Variants in PIGZ observed in about 807,000 individuals in gnomAD.
PIGZ encodes GPI alpha-1,2-mannosyltransferase 4.
A neutral mutation model predicts 16.4 loss-of-function variants in PIGZ; 16 were observed. The ratio of observed to expected loss-of-function variants is 0.97; its 90% CI spans 0.66 to 1.48. The LOEUF (loss-of-function observed/expected upper bound fraction) is 1.48. PIGZ is among the 40% of genes most tolerant of loss of function. The probability of loss-of-function intolerance (pLI) is 0.00; values close to 1 mark genes in which losing one functional copy is unlikely to be tolerated. For synonymous variants in PIGZ, 409 were observed against 338.4 expected (o/e 1.21, Z -2.29); for missense variants, 770 against 739.2 (o/e 1.04, Z -0.48).
At chr3:196,952,461 G>A (rs770399753) in intron 1 of PIGZ, among the ~76,000 whole-genome samples, 2 of 152,142 alleles carry the variant, frequency 1.3e-5, no homozygotes, top group East Asian at 1.9e-4. Flanking sequence ...TTTTTGAGAC[G>A]AAGTCTTGCT....
chr3:196,961,956 C>A (rs1717738387), intron 1 of PIGZ, among the ~76,000 whole-genome samples: 1 of 152,210 alleles, frequency 6.6e-6, no homozygotes, highest in Non-Finnish European at 1.5e-5. Context: ...TCCACCACCC[C>A]AGACTCTGGA....
chr3:196,951,883 A>G lies in PIGZ; in HGVS notation c.149T>C (p.Leu50Pro). The G allele has an allele frequency of 6.2e-7, 1 of 1,614,148 alleles. No individual in the cohort carries two copies. Among genetic ancestry groups the G allele is most frequent in the Non-Finnish European group, 8.5e-7 (1 of 1,180,022 alleles). ...GTGCACATAGCCCGTCTGCGGAAGG[A>G]GACACCACAGCACTCGGAGCAGGCT... ...GLSLLRVLWC[L>P]LPQTGYVHPD... is the part of the protein sequence containing the mutation. Residue 50 changes from leucine (L) to proline (P), a missense_variant, in exon 2 of 3, where the codon CTC (leucine) becomes CCC (proline). Coordinates refer to ENST00000412723, the MANE Select transcript of PIGZ (RefSeq NM_025163.4).
intron 1 of PIGZ, among the ~76,000 whole-genome samples, chr3:196,955,437 T>C (rs1296056060): frequency 1.3e-5 from 2 of 152,154 alleles, no homozygotes; most frequent in Non-Finnish European, 2.9e-5. Context: ...TATCATTATA[T>C]AGTAATCTTT....
rs760035835 is a variant in PIGZ at position 196,947,709 on chromosome 3, C to G, written c.1188G>C (p.Leu396=). Residue 396 remains leucine (L), a synonymous_variant, in exon 3 of 3, where the codon CTG becomes CTC. Transcript: ENST00000412723. ...HQEARFLIPL[L]VPLVLLCSPQ... ...GACTACAAAGCAGGACCAGGGGGACCAGGAGGGGAATCAGGAACCGAGCCT... is the reference window on the plus strand; with the variant it reads ...GACTACAAAGCAGGACCAGGGGGACGAGGAGGGGAATCAGGAACCGAGCCT... 20 of 1,613,052 alleles carry G rather than the reference C, an allele frequency of 1.2e-5. No individual in the cohort carries two copies. Among genetic ancestry groups the G allele is most frequent in the African/African-American group, 4.0e-5 (3 of 74,898 alleles).
At chr3:196,958,230 T>C (rs983771576) in intron 1 of PIGZ, among the ~76,000 whole-genome samples, 10 of 152,154 alleles carry the variant, frequency 6.6e-5, no homozygotes, top group Non-Finnish European at 5.9e-5. Context: ...AACCTTTATT[T>C]TTTTTTTCTA....
At position 196,964,398 on chromosome 3, in the gene PIGZ, G is replaced by A. The variant is rs374431833; in HGVS notation, c.-1+4289C>T. Among the ~76,000 whole-genome samples, 23 of 148,990 alleles carry A rather than the reference G, an allele frequency of 1.5e-4. No homozygotes were observed. The East Asian group carries it at 3.0e-3, about 19-fold the overall frequency. On this transcript the variant is annotated intron_variant, in intron 1 of 2. Coordinates refer to ENST00000412723, the MANE Select transcript of PIGZ (RefSeq NM_025163.4). ...TTTTTGAGATGGAGTCTTGCTTGTC[G>A]CCTAGGCTAGGTGCAGTGGCACGAT...
At chr3:196,954,765 A>G (rs1424894611) in intron 1 of PIGZ, among the ~76,000 whole-genome samples, 1 of 152,234 alleles carries the variant, frequency 6.6e-6, no homozygotes, top group African/African-American at 2.4e-5. Flanking sequence ...TTGCCATTGT[A>G]ATTTCTTCCT....
intron 1 of PIGZ, among the ~76,000 whole-genome samples, chr3:196,958,787 C>T (rs577852375): frequency 6.6e-6 from 1 of 152,170 alleles, no homozygotes; most frequent in East Asian, 1.9e-4. Context: ...AGAGTTAAGA[C>T]AGGGATTGAG....
At chr3:196,955,572 C>CT (rs1717448927) in intron 1 of PIGZ, among the ~76,000 whole-genome samples, 5 of 43,592 alleles carry the variant, frequency 1.1e-4, no homozygotes, top group African/African-American at 3.5e-4. Flanking sequence ...TCTTTTCTTT[C>CT]TTTCTTTTTT....
intron 1 of PIGZ, among the ~76,000 whole-genome samples, chr3:196,955,100 A>AT (rs1307665501): frequency 6.6e-6 from 1 of 152,008 alleles, no homozygotes; most frequent in African/African-American, 2.4e-5. Context: ...TAATTTTTAA[A>AT]TTTTTTGTAG....
chr3:196,960,258 A>G (rs1717655861), intron 1 of PIGZ, among the ~76,000 whole-genome samples: 1 of 152,088 alleles, frequency 6.6e-6, no homozygotes, highest in Admixed American at 6.5e-5. Context: ...TTTACTACCT[A>G]TTTGCCTGTA....
chr3:196,947,887 G>A lies in PIGZ; in HGVS notation c.1010C>T (p.Ala337Val), dbSNP rs149631795. ...GVLHAQALQA[A>V]WQRLQVGLQA... The stretch of plus-strand genomic sequence containing the variant: ...GAGGCCGACTTGCAGCCGTTGCCAC[G>A]CAGCCTGCAGGGCCTGGGCATGCAG... Residue 337 changes from alanine to valine, a missense_variant, in exon 3 of 3, where the codon GCG becomes GTG. Physicochemically the swap from Ala to Val is moderately conservative, Grantham distance 64. Transcript: ENST00000412723. 421 of 1,613,918 alleles carry A rather than the reference G, an allele frequency of 2.6e-4. No homozygotes were observed. Among genetic ancestry groups the A allele is most frequent in the South Asian group, 4.3e-4 (39 of 91,078 alleles).
chr3:196,964,019 T>G (rs1402591970), intron 1 of PIGZ, among the ~76,000 whole-genome samples: 1 of 151,142 alleles, frequency 6.6e-6, no homozygotes, highest in Non-Finnish European at 1.5e-5. Flanking sequence ...ACTACCTTTT[T>G]TTATTTGTTT....
intron 1 of PIGZ, among the ~76,000 whole-genome samples, chr3:196,953,910 T>G (rs776450787): frequency 6.6e-6 from 1 of 151,950 alleles, no homozygotes; most frequent in Non-Finnish European, 1.5e-5. Context: ...AGAGGATCAC[T>G]TGAACCCAGG....
At chr3:196,950,982 G>C (rs541615100) in intron 2 of PIGZ, among the ~76,000 whole-genome samples, 4 of 152,260 alleles carry the variant, frequency 2.6e-5, no homozygotes, top group Non-Finnish European at 5.9e-5. Flanking sequence ...CTGACCTCAG[G>C]TGATCCACCT....
At chr3:196,967,997 G>T (rs1717999963) in intron 1 of PIGZ, among the ~76,000 whole-genome samples, 1 of 152,208 alleles carries the variant, frequency 6.6e-6, no homozygotes, top group African/African-American at 2.4e-5. Flanking sequence ...AATGACTTTT[G>T]AGAAGAAGGA....
At chr3:196,967,271 C>A (rs960266172) in intron 1 of PIGZ, among the ~76,000 whole-genome samples, 8 of 152,130 alleles carry the variant, frequency 5.3e-5, no homozygotes, top group Admixed American at 3.3e-4. Context: ...TCTCCGGCGC[C>A]CAGGTGTGTG....
chr3:196,950,799 C>T (rs1309376605), intron 2 of PIGZ, among the ~76,000 whole-genome samples: 1 of 149,324 alleles, frequency 6.7e-6, no homozygotes, highest in Non-Finnish European at 1.5e-5. Flanking sequence ...GGCTGAAGTG[C>T]AGTGGCACAA....
At chr3:196,964,756 A>C (rs193102261) in intron 1 of PIGZ, among the ~76,000 whole-genome samples, 3 of 152,040 alleles carry the variant, frequency 2.0e-5, no homozygotes, top group Non-Finnish European at 4.4e-5. Flanking sequence ...TTGTTTTTTA[A>C]GACAGGGTCT....
Sources: allele counts gnomAD v4.1 joint callset (sites outside exome capture counted in the v4.1 genomes callset), GRCh38; gene constraint gnomAD v4.1.1; transcripts MANE v1.5; gene names NCBI Gene and HGNC (gene_info 2026-07-23, HGNC 2026-07-21).